The following TRMT2B variants were observed in gnomAD, a reference collection of about 807,000 sequenced individuals.
TRMT2B encodes the protein tRNA (uracil-5-)-methyltransferase homolog B.
A neutral mutation model predicts 39.7 loss-of-function variants in TRMT2B; 34 were observed. That is an observed-to-expected ratio of 0.86 (90% CI 0.65 to 1.14). TRMT2B has a LOEUF of 1.14. TRMT2B is among the 50% of genes most tolerant of loss of function. The probability of loss-of-function intolerance (pLI) is 0.00; values close to 1 mark genes in which losing one functional copy is unlikely to be tolerated. For missense variants in TRMT2B, 318 were observed against 377.2 expected, an observed-to-expected ratio of 0.84 and a Z score of 1.30; for synonymous variants, 132 against 137.3, an observed-to-expected ratio of 0.96 and a Z score of 0.27.
At chrX:101,003,225 T>G in the TRMT2B span, among the ~76,000 whole-genome samples, 1 of 108,918 alleles carries the variant, frequency 9.2e-6, no homozygotes, top group Non-Finnish European at 1.9e-5. Context: ...CAAAATAAAT[T>G]AAAAAATTAA....
intron 7 of TRMT2B, among the ~76,000 whole-genome samples, chrX:101,025,929 G>A: frequency 9.2e-6 from 1 of 108,524 alleles, no homozygotes. Context: ...TCCAGCCTAG[G>A]CGAGAGTGAG....
At chrX:101,037,659 G>A (rs1225169917) in intron 5 of TRMT2B, 2 of 283,862 alleles carry the variant, frequency 7.0e-6, no homozygotes, top group East Asian at 6.3e-5. Flanking sequence ...AGATAGACCT[G>A]AGCGTGAATC....
At chrX:100,976,752 C>T in the TRMT2B span, among the ~76,000 whole-genome samples, 1 of 112,412 alleles carries the variant, frequency 8.9e-6, no homozygotes, top group Admixed American at 9.4e-5. Context: ...GCTGACATTA[C>T]AGGCATGTGC....
At chrX:101,002,404 G>C in the TRMT2B span, among the ~76,000 whole-genome samples, 22 of 112,169 alleles carry the variant, frequency 2.0e-4, no homozygotes, top group Admixed American at 1.9e-3. Context: ...TATTAAAAGG[G>C]AAAGACTTAG....
intron 6 of TRMT2B, among the ~76,000 whole-genome samples, chrX:101,036,528 T>C (rs926631869): frequency 9.2e-6 from 1 of 108,908 alleles, no homozygotes; most frequent in Non-Finnish European, 1.9e-5. Flanking sequence ...GCCACTGTGA[T>C]TCCCCTCACC....
intron 13 of TRMT2B, among the ~76,000 whole-genome samples, chrX:101,018,083 A>C (rs1324738001): frequency 1.8e-5 from 2 of 111,124 alleles, no homozygotes; most frequent in Non-Finnish European, 3.8e-5. Flanking sequence ...AATCAAAAAA[A>C]TTAGCCAGGC....
the TRMT2B span, chrX:100,985,887 TA>T: frequency 3.3e-6 from 4 of 1,206,434 alleles, no homozygotes; most frequent in African/African-American, 5.3e-5. Context: ...TGCTGTCCGA[TA>T]AAAGAGTGGC....
At chrX:101,048,387 C>T (rs2088830831) in intron 2 of TRMT2B, among the ~76,000 whole-genome samples, 1 of 109,982 alleles carries the variant, frequency 9.1e-6, no homozygotes, top group South Asian at 3.9e-4. Context: ...CACCCACCCC[C>T]ATCAAGAAGC....
At chrX:101,041,481 G>C (rs1384561274) in intron 3 of TRMT2B, 110 bp from the exon 4 acceptor site, 14 of 707,436 alleles carry the variant, frequency 2.0e-5, no homozygotes, top group Non-Finnish European at 2.9e-5. Flanking sequence ...TAGGGAGATG[G>C]AGTCTGGGAG....
At chrX:101,048,107 T>TAC (rs1556363896) in intron 2 of TRMT2B, among the ~76,000 whole-genome samples, 5 of 53,201 alleles carry the variant, frequency 9.4e-5, no homozygotes, top group East Asian at 9.1e-4. Context: ...TTTACATTTA[T>TAC]ACACATACAC....
At chrX:100,983,059 C>T in the TRMT2B span, among the ~76,000 whole-genome samples, 1 of 110,809 alleles carries the variant, frequency 9.0e-6, no homozygotes, top group Non-Finnish European at 1.9e-5. Context: ...GTGCCCGGAC[C>T]ATGCTTTATG....
chrX:101,025,994 GGAAA>G (rs1417420587), intron 7 of TRMT2B, among the ~76,000 whole-genome samples: 1 of 98,096 alleles, frequency 1.0e-5, no homozygotes, highest in African/African-American at 3.7e-5. Flanking sequence ...AGGGAGGGAG[GGAAA>G]GAAAGAGAGA....
chrX:100,973,775 C>T, the TRMT2B span: 2 of 1,175,658 alleles, frequency 1.7e-6, no homozygotes, highest in Non-Finnish European at 1.2e-6. Context: ...TTCCCTAGGC[C>T]TATTCCACTA....
chrX:100,992,244 T>C, the TRMT2B span, among the ~76,000 whole-genome samples: 1 of 111,154 alleles, frequency 9.0e-6, no homozygotes, highest in Non-Finnish European at 1.9e-5. Context: ...ATCCCGATCT[T>C]TCTGACTCTA....
chrX:100,978,503 T>C, the TRMT2B span, among the ~76,000 whole-genome samples: 372 of 111,839 alleles, frequency 3.3e-3, 2 homozygotes, highest in African/African-American at 0.012. Context: ...CTGTTTTGTC[T>C]GAAGTATAGC....
chrX:101,027,616 G>C (rs6620979), intron 7 of TRMT2B, among the ~76,000 whole-genome samples: 1 of 106,323 alleles, frequency 9.4e-6, no homozygotes, highest in African/African-American at 3.3e-5. Context: ...CTTAAAATGA[G>C]AGTGCCCCAG....
chrX:100,990,547 ATATC>A, the TRMT2B span: 4 of 1,136,273 alleles, frequency 3.5e-6, no homozygotes, highest in South Asian at 8.6e-5. Context: ...TTGTTCCTGT[ATATC>A]TATATTCTAG....
the TRMT2B span, among the ~76,000 whole-genome samples, chrX:100,992,870 T>C: frequency 1.8e-5 from 2 of 111,635 alleles, no homozygotes; most frequent in African/African-American, 6.5e-5. Flanking sequence ...ACTAAGGTCC[T>C]ACTCCATAAC....
chrX:100,993,294 C>T, the TRMT2B span, among the ~76,000 whole-genome samples: 1 of 112,030 alleles, frequency 8.9e-6, no homozygotes, highest in Non-Finnish European at 1.9e-5. Context: ...ACTGTATCCT[C>T]CCTGGGTCTT....
Sources: allele counts gnomAD v4.1 joint callset (sites outside exome capture counted in the v4.1 genomes callset), GRCh38; gene constraint gnomAD v4.1.1; transcripts MANE v1.5; gene names NCBI Gene and HGNC (gene_info 2026-07-23, HGNC 2026-07-21).